SYT1: variants seen among roughly 807,000 people sequenced by gnomAD.
SYT1 encodes the protein synaptotagmin 1.
In SYT1, 8 loss-of-function variants were observed where a neutral mutation model predicts 44.8. The ratio of observed to expected loss-of-function variants is 0.18; its 90% CI spans 0.10 to 0.32. SYT1 has a LOEUF of 0.32. Among genes scored for constraint, SYT1 ranks in the 10% least tolerant of loss-of-function variants. The pLI, the probability that SYT1 is intolerant of heterozygous loss-of-function variation, is 1.00. For missense variants in SYT1, 286 were observed against 509.3 expected, an observed-to-expected ratio of 0.56 and a Z score of 4.22; for synonymous variants, 154 against 188.8, an observed-to-expected ratio of 0.82 and a Z score of 1.51.
At chr12:79,200,458 G>A (rs979954452) in intron 3 of SYT1, among the ~76,000 whole-genome samples, 36 of 152,078 alleles carry the variant, frequency 2.4e-4, no homozygotes, top group African/African-American at 8.7e-4. Flanking sequence ...TGAGTAATGT[G>A]GACAGGGTGT....
chr12:79,376,839 T>TGGC (rs1166647807), intron 9 of SYT1, among the ~76,000 whole-genome samples: 1 of 152,202 alleles, frequency 6.6e-6, no homozygotes, highest in Admixed American at 6.5e-5. Flanking sequence ...CATGCCTCCT[T>TGGC]ATCTAAATTG....
intron 3 of SYT1, among the ~76,000 whole-genome samples, chr12:79,183,531 C>A (rs539857535): frequency 1.5e-4 from 23 of 152,064 alleles, no homozygotes; most frequent in African/African-American, 5.1e-4. Flanking sequence ...ATTATGTAGT[C>A]CAAAATGTCA....
At position 79,201,046 on chromosome 12, in the gene SYT1, T is replaced by G. The variant is rs145685198; in HGVS notation, c.-17-16457T>G. On this transcript the variant is annotated intron_variant, in intron 3 of 10. Coordinates refer to ENST00000261205, the MANE Select transcript of SYT1 (RefSeq NM_005639.3). ...AGCCATCCTTTGATCATTTCCCAGC[T>G]GTTTCCAATTCCCAGAGCTTTTTAC... 7.8e-3 allele frequency among the ~76,000 whole-genome samples: 1,189 copies of G among 152,298 alleles called. 20 individuals carry two copies. The highest frequency in any genetic ancestry group is 0.027 in the African/African-American group (1,127 of 41,566).
chr12:79,065,211 A>G (rs1199030797), intron 3 of SYT1, among the ~76,000 whole-genome samples: 2 of 152,124 alleles, frequency 1.3e-5, no homozygotes, highest in African/African-American at 4.8e-5. Flanking sequence ...CGTCTTCACA[A>G]AAATAAAAAC....
At chr12:79,133,052 G>A (rs139409170) in intron 3 of SYT1, among the ~76,000 whole-genome samples, 28 of 152,128 alleles carry the variant, frequency 1.8e-4, no homozygotes, top group Non-Finnish European at 2.8e-4. Flanking sequence ...TTCTCTCATG[G>A]AGGAAGAGAA....
intron 3 of SYT1, among the ~76,000 whole-genome samples, chr12:79,087,852 T>C (rs1215251027): frequency 1.3e-5 from 2 of 152,114 alleles, no homozygotes; most frequent in African/African-American, 4.8e-5. Context: ...GCTTTATATT[T>C]AACACTTTCC....
intron 9 of SYT1, among the ~76,000 whole-genome samples, chr12:79,367,095 TA>T (rs1426373214): frequency 6.6e-6 from 1 of 152,112 alleles, no homozygotes; most frequent in Non-Finnish European, 1.5e-5. Flanking sequence ...ATCAGACCAG[TA>T]GTATATTTCT....
chr12:79,079,812 T>A (rs1876904129), intron 3 of SYT1, among the ~76,000 whole-genome samples: 1 of 152,102 alleles, frequency 6.6e-6, no homozygotes, highest in Admixed American at 6.5e-5. Flanking sequence ...ATTTTAGATC[T>A]TAAAGTTGTA....
At chr12:79,015,851 G>A (rs1178707704) in intron 2 of SYT1, among the ~76,000 whole-genome samples, 1 of 152,014 alleles carries the variant, frequency 6.6e-6, no homozygotes, top group East Asian at 1.9e-4. Flanking sequence ...AGGTAGGCCA[G>A]GATTATCTAC....
chr12:79,230,887 T>C (rs1323321894), intron 4 of SYT1, among the ~76,000 whole-genome samples: 1 of 152,230 alleles, frequency 6.6e-6, no homozygotes, highest in Non-Finnish European at 1.5e-5. Flanking sequence ...TTTGGACCTA[T>C]ATCCAAAATA....
chr12:79,229,774 T>C (rs1452332687), intron 4 of SYT1, among the ~76,000 whole-genome samples: 1 of 151,982 alleles, frequency 6.6e-6, no homozygotes, highest in Non-Finnish European at 1.5e-5. Context: ...TTTGTATTTT[T>C]AGTAGAGACG....
intron 3 of SYT1, among the ~76,000 whole-genome samples, chr12:79,072,581 A>AT (rs779431851): frequency 6.6e-6 from 1 of 152,068 alleles, no homozygotes; most frequent in Non-Finnish European, 1.5e-5. Flanking sequence ...AATATTTTCA[A>AT]TTTTTTGCTT....
At chr12:79,349,035 A>G (rs200085534) in intron 8 of SYT1, among the ~76,000 whole-genome samples, 1,856 of 113,038 alleles carry the variant, frequency 0.016, 21 homozygotes, top group East Asian at 0.042. Context: ...AAGAAAGAAA[A>G]AGAAAGAAAG....
intron 8 of SYT1, among the ~76,000 whole-genome samples, chr12:79,300,788 A>ATTTTAT (rs759192008): frequency 4.3e-5 from 4 of 92,714 alleles, no homozygotes; most frequent in African/African-American, 1.7e-4. Flanking sequence ...ATGTATACTT[A>ATTTTAT]TTATATATAT....
At chr12:79,324,071 C>G (rs968563675) in intron 8 of SYT1, among the ~76,000 whole-genome samples, 3 of 151,424 alleles carry the variant, frequency 2.0e-5, no homozygotes, top group African/African-American at 7.3e-5. Flanking sequence ...CTGCCTCAGC[C>G]TCCTGAGTAT....
At chr12:79,432,441 C>T (rs1869851360) in intron 9 of SYT1, among the ~76,000 whole-genome samples, 1 of 151,684 alleles carries the variant, frequency 6.6e-6, no homozygotes, top group South Asian at 2.1e-4. Flanking sequence ...TCAATTCCCA[C>T]CTATGAGTGA....
intron 2 of SYT1, among the ~76,000 whole-genome samples, chr12:79,019,342 C>G (rs970401875): frequency 1.3e-5 from 2 of 151,826 alleles, no homozygotes; most frequent in African/African-American, 4.8e-5. Context: ...AAATTTGAAG[C>G]CAAATTAAGT....
chr12:79,310,766 T>C (rs1880739543), intron 8 of SYT1, among the ~76,000 whole-genome samples: 1 of 152,226 alleles, frequency 6.6e-6, no homozygotes, highest in Non-Finnish European at 1.5e-5. Context: ...TATTTTATTC[T>C]CTTTGAAGCA....
chr12:79,314,304 G>A (rs1880975632), intron 8 of SYT1, among the ~76,000 whole-genome samples: 1 of 152,074 alleles, frequency 6.6e-6, no homozygotes, highest in African/African-American at 2.4e-5. Context: ...AGGACAGTGG[G>A]ACAGCCTAAG....
Sources: gnomAD v4.1 joint callset for allele counts (sites outside exome capture counted in the v4.1 genomes callset) on GRCh38, gnomAD v4.1.1 for gene constraint, MANE v1.5 for transcripts, NCBI Gene and HGNC (gene_info 2026-07-23, HGNC 2026-07-21) for gene names.